CD80: variants seen among roughly 807,000 people sequenced by gnomAD.
The protein encoded by CD80 is CD80 molecule.
Under a neutral mutation model 27.1 loss-of-function variants are expected in CD80, and 13 were observed. The ratio of observed to expected loss-of-function variants is 0.48; its 90% CI spans 0.31 to 0.76. The LOEUF (loss-of-function observed/expected upper bound fraction) is 0.76, where lower values mean the gene tolerates loss of function less well. Among genes scored for constraint, CD80 ranks in the 30% least tolerant of loss-of-function variants. CD80 has a pLI of 0.04. For missense variants in CD80, 277 were observed against 347.9 expected (o/e 0.80, Z 1.62); for synonymous variants, 125 against 125.5 (o/e 1.00, Z 0.03).
intron 2 of CD80, among the ~76,000 whole-genome samples, chr3:119,555,227 G>A (rs187413916): frequency 6.6e-4 from 101 of 152,316 alleles, no homozygotes; most frequent in Middle Eastern, 6.8e-3. Flanking sequence ...CAGTACACTT[G>A]TTACAATCAA....
chr3:119,550,089 C>G (rs1358056721), intron 2 of CD80, among the ~76,000 whole-genome samples: 3 of 152,206 alleles, frequency 2.0e-5, no homozygotes, highest in Non-Finnish European at 4.4e-5. Flanking sequence ...CATAGCAGGT[C>G]TTCTGTAAGA....
At chr3:119,530,693 TC>T (rs1335431229) in intron 4 of CD80, among the ~76,000 whole-genome samples, 1 of 152,222 alleles carries the variant, frequency 6.6e-6, no homozygotes, top group Non-Finnish European at 1.5e-5. Context: ...TATTTATTCT[TC>T]AGCTGCTTTG....
intron 1 of CD80, among the ~76,000 whole-genome samples, chr3:119,559,198 A>G (rs2082279966): frequency 6.6e-6 from 1 of 152,174 alleles, no homozygotes; most frequent in Non-Finnish European, 1.5e-5. Context: ...CGGCCCACAA[A>G]AACAATATTT....
intron 2 of CD80, among the ~76,000 whole-genome samples, chr3:119,554,545 G>A (rs545049083): frequency 1.3e-3 from 194 of 152,300 alleles, no homozygotes; most frequent in Admixed American, 3.7e-3. Flanking sequence ...CAGGCCTAGA[G>A]GGGGAGAGGA....
intron 2 of CD80, among the ~76,000 whole-genome samples, chr3:119,545,376 T>G (rs901256928): frequency 2.0e-5 from 3 of 152,002 alleles, no homozygotes; most frequent in African/African-American, 4.8e-5. Context: ...AACATAAAAT[T>G]TATCATCTTA....
At chr3:119,540,025 T>A (rs2082158767) in intron 3 of CD80, among the ~76,000 whole-genome samples, 1 of 152,192 alleles carries the variant, frequency 6.6e-6, no homozygotes, top group South Asian at 2.1e-4. Flanking sequence ...AGTGGCACCA[T>A]CTTGGCTTAC....
At chr3:119,557,461 C>T (rs1362269076) in intron 2 of CD80, among the ~76,000 whole-genome samples, 168 bp downstream of exon 2, 1 of 152,174 alleles carries the variant, frequency 6.6e-6, no homozygotes, top group Non-Finnish European at 1.5e-5. Context: ...TAGGCAGGTC[C>T]TTTAACCTCT....
At chr3:119,532,392 C>T (rs967956362) in intron 4 of CD80, among the ~76,000 whole-genome samples, 1 of 151,864 alleles carries the variant, frequency 6.6e-6, no homozygotes, top group South Asian at 2.1e-4. Flanking sequence ...ACTCAGGAGG[C>T]TGAAGCAAGA....
intron 4 of CD80, among the ~76,000 whole-genome samples, chr3:119,533,978 A>G (rs1011240754): frequency 6.6e-6 from 1 of 152,200 alleles, no homozygotes; most frequent in Non-Finnish European, 1.5e-5. Flanking sequence ...GAGATTTGAG[A>G]CATTTATACC....
intron 6 of CD80, chr3:119,527,464 C>T: frequency 2.8e-6 from 1 of 357,154 alleles, no homozygotes; most frequent in Non-Finnish European, 5.0e-6. Context: ...TCAAGATGAA[C>T]TCAAATTAGT....
intron 3 of CD80, among the ~76,000 whole-genome samples, chr3:119,541,128 C>G (rs1435777533): frequency 6.6e-6 from 1 of 151,982 alleles, no homozygotes; most frequent in Non-Finnish European, 1.5e-5. Flanking sequence ...CTAAGGTGAT[C>G]TGTTTAGGGT....
intron 3 of CD80, among the ~76,000 whole-genome samples, chr3:119,543,621 G>A (rs1248213807): frequency 1.3e-5 from 2 of 151,486 alleles, no homozygotes; most frequent in Non-Finnish European, 2.9e-5. Flanking sequence ...TGTATTTTTA[G>A]TAGAGATGGG....
chr3:119,548,274 G>A (rs748103227), intron 2 of CD80, among the ~76,000 whole-genome samples: 4 of 152,084 alleles, frequency 2.6e-5, no homozygotes, highest in African/African-American at 4.8e-5. Flanking sequence ...GAGCCACCAC[G>A]CCTAGCATGA....
intron 3 of CD80, among the ~76,000 whole-genome samples, chr3:119,537,741 G>T (rs2082147118): frequency 6.6e-6 from 1 of 152,208 alleles, no homozygotes; most frequent in African/African-American, 2.4e-5. Context: ...GGTGGAGATT[G>T]CAGTTAGCCG....
At chr3:119,542,472 G>T (rs938675591) in intron 3 of CD80, among the ~76,000 whole-genome samples, 1 of 152,144 alleles carries the variant, frequency 6.6e-6, no homozygotes, top group African/African-American at 2.4e-5. Context: ...AGAGGCTCAA[G>T]TCCCAGGGGA....
intron 5 of CD80, 35 bp from the exon 6 acceptor site, chr3:119,527,876 T>A: frequency 1.9e-6 from 3 of 1,567,806 alleles, no homozygotes. Context: ...AAATGATAAG[T>A]AAGTTTCCCT....
intron 5 of CD80, 128 bp from the exon 6 acceptor site, chr3:119,527,969 G>C: frequency 1.3e-6 from 1 of 776,716 alleles, no homozygotes; most frequent in Non-Finnish European, 2.1e-6. Flanking sequence ...TATACCAGGG[G>C]TGATTTACAA....
intron 5 of CD80, among the ~76,000 whole-genome samples, chr3:119,529,392 A>G (rs2082097288): frequency 6.6e-6 from 1 of 152,346 alleles, no homozygotes; most frequent in Non-Finnish European, 1.5e-5. Flanking sequence ...CAAAATTAGA[A>G]TATCAGCAGG....
chr3:119,543,887 C>CTT (rs71619749), intron 3 of CD80, among the ~76,000 whole-genome samples: 1 of 99,098 alleles, frequency 1.0e-5, no homozygotes, highest in South Asian at 3.1e-4. Context: ...CTCCATTGTT[C>CTT]TTTTTTTTTT....
Sources: gnomAD v4.1 joint callset for allele counts (sites outside exome capture counted in the v4.1 genomes callset) on GRCh38, gnomAD v4.1.1 for gene constraint, MANE v1.5 for transcripts, NCBI Gene and HGNC (gene_info 2026-07-23, HGNC 2026-07-21) for gene names.